Variants in PLXDC2 observed in about 807,000 individuals in gnomAD.
PLXDC2 encodes the protein plexin domain containing 2.
Under a neutral mutation model 68.9 loss-of-function variants are expected in PLXDC2, and 40 were observed. The ratio of observed to expected loss-of-function variants is 0.58; its 90% CI spans 0.45 to 0.76. The LOEUF (loss-of-function observed/expected upper bound fraction) is 0.76. Among genes scored for constraint, PLXDC2 ranks in the 30% least tolerant of loss-of-function variants. The probability of loss-of-function intolerance (pLI) is 0.00; values close to 1 mark genes in which losing one functional copy is unlikely to be tolerated. For missense variants in PLXDC2, 644 were observed against 661.9 expected, an observed-to-expected ratio of 0.97 and a Z score of 0.30; for synonymous variants, 243 against 234.2, an observed-to-expected ratio of 1.04 and a Z score of -0.34.
chr10:20,051,133 G>A (rs919683960), intron 3 of PLXDC2, among the ~76,000 whole-genome samples: 4 of 151,874 alleles, frequency 2.6e-5, no homozygotes, highest in Non-Finnish European at 5.9e-5. Context: ...ACTAACACAG[G>A]AACAGGAACC....
intron 5 of PLXDC2, among the ~76,000 whole-genome samples, chr10:20,147,200 A>G (rs1414013623): frequency 6.6e-6 from 1 of 152,176 alleles, no homozygotes; most frequent in African/African-American, 2.4e-5. Flanking sequence ...GACTTCAAAA[A>G]TCTTAGTCCA....
chr10:19,816,764 T>G lies in PLXDC2; in HGVS notation c.-316T>G, dbSNP rs1589480707. ...GGGCACCGGGTTGGCGCTGCCCGAGTGGAACCGACAGTTTGCGAGCCTCGG... is the reference window on the plus strand; with the variant it reads ...GGGCACCGGGTTGGCGCTGCCCGAGGGGAACCGACAGTTTGCGAGCCTCGG... On this transcript the variant is annotated 5_prime_UTR_variant, in exon 1 of 14. Coordinates refer to ENST00000377252, the MANE Select transcript of PLXDC2 (RefSeq NM_032812.9). 6.8e-6 allele frequency: 3 copies of G among 444,000 alleles called. No homozygotes were observed. Among genetic ancestry groups the G allele is most frequent in the East Asian group, 4.0e-5 (1 of 25,106 alleles). 27.5% of individuals were successfully genotyped at this position (444,000 alleles called of 1,614,324 possible).
intron 1 of PLXDC2, among the ~76,000 whole-genome samples, chr10:19,967,244 G>T (rs1471779474): frequency 6.6e-6 from 1 of 152,124 alleles, no homozygotes; most frequent in East Asian, 1.9e-4. Flanking sequence ...TAGTAATTTA[G>T]GGAACCAATG....
chr10:19,924,520 C>G (rs1833508135), intron 1 of PLXDC2, among the ~76,000 whole-genome samples: 1 of 152,062 alleles, frequency 6.6e-6, no homozygotes, highest in South Asian at 2.1e-4. Flanking sequence ...TAATAGTGGC[C>G]AATAAATGTC....
chr10:20,030,230 C>A (rs1043741858), intron 2 of PLXDC2, among the ~76,000 whole-genome samples: 6 of 152,102 alleles, frequency 3.9e-5, no homozygotes, highest in East Asian at 3.9e-4. Context: ...ACAACAACAA[C>A]AAAAAACTGG....
chr10:20,103,635 T>TC (rs1325054104), intron 4 of PLXDC2, among the ~76,000 whole-genome samples: 1 of 128,278 alleles, frequency 7.8e-6, no homozygotes, highest in Non-Finnish European at 1.5e-5. Context: ...ACACATCTTT[T>TC]CTTTTTTTTT....
chr10:19,888,338 T>C (rs1018993504), intron 1 of PLXDC2, among the ~76,000 whole-genome samples: 13 of 152,220 alleles, frequency 8.5e-5, no homozygotes, highest in Non-Finnish European at 1.8e-4. Context: ...TTCCAGATTT[T>C]ATTTTTCAGG....
intron 1 of PLXDC2, among the ~76,000 whole-genome samples, chr10:19,936,400 C>T: frequency 6.6e-6 from 1 of 152,302 alleles, no homozygotes; most frequent in East Asian, 1.9e-4. Context: ...GACTCTGTTG[C>T]TACTAGTCAA....
chr10:20,212,510 A>G (rs1301656773), intron 10 of PLXDC2, among the ~76,000 whole-genome samples: 1 of 151,912 alleles, frequency 6.6e-6, no homozygotes, highest in Non-Finnish European at 1.5e-5. Flanking sequence ...GTTTATGAAG[A>G]AAAGCATTTA....
At chr10:20,029,981 A>C (rs1315193643) in intron 2 of PLXDC2, among the ~76,000 whole-genome samples, 1 of 152,174 alleles carries the variant, frequency 6.6e-6, no homozygotes, top group Non-Finnish European at 1.5e-5. Context: ...TTGGCTTTTA[A>C]ATTCTTATTT....
intron 4 of PLXDC2, among the ~76,000 whole-genome samples, chr10:20,081,260 A>C (rs1265867839): frequency 6.6e-6 from 1 of 152,152 alleles, no homozygotes. Flanking sequence ...AGGGAAATAC[A>C]TCTGGAATGC....
At chr10:19,928,619 G>A (rs1301440936) in intron 1 of PLXDC2, among the ~76,000 whole-genome samples, 1 of 152,138 alleles carries the variant, frequency 6.6e-6, no homozygotes, top group African/African-American at 2.4e-5. Context: ...CCACCCCTTG[G>A]CGGGGCTTAA....
chr10:19,944,514 T>C (rs946727075), intron 1 of PLXDC2, among the ~76,000 whole-genome samples: 12 of 152,276 alleles, frequency 7.9e-5, no homozygotes, highest in African/African-American at 2.6e-4. Flanking sequence ...CAGAGTTTAA[T>C]TGAACAAAGA....
chr10:20,072,272 C>T (rs560228451), intron 4 of PLXDC2, among the ~76,000 whole-genome samples: 22 of 151,190 alleles, frequency 1.5e-4, no homozygotes, highest in South Asian at 2.1e-4. Context: ...CAGGAGGCGG[C>T]GACAGGAGAA....
rs574862010 is a variant in PLXDC2, at chr10:19,817,895, G to T, written c.112+704G>T. Among the ~76,000 whole-genome samples the T allele has an allele frequency of 8.5e-5, 13 of 152,298 alleles. No individual in the cohort carries two copies. In the East Asian group the frequency reaches 2.5e-3, roughly 29 times the overall value. ...CTTGGAGTGCCCTGATTTTGTCCCC[G>T]AGAGGGCCCCCAACCTCCGCATCCT... On this transcript the variant is annotated intron_variant, in intron 1 of 13. Coordinates refer to ENST00000377252, the MANE Select transcript of PLXDC2 (RefSeq NM_032812.9).
At chr10:20,023,219 A>C (rs1835343149) in intron 2 of PLXDC2, among the ~76,000 whole-genome samples, 1 of 151,832 alleles carries the variant, frequency 6.6e-6, no homozygotes, top group African/African-American at 2.4e-5. Flanking sequence ...AACATGATAG[A>C]ATAAATGATC....
chr10:20,207,411 C>T (rs780056439), intron 9 of PLXDC2, among the ~76,000 whole-genome samples: 25 of 152,124 alleles, frequency 1.6e-4, no homozygotes, highest in Admixed American at 9.2e-4. Context: ...GATTTGGCAC[C>T]GTCTTGTTAA....
intron 1 of PLXDC2, among the ~76,000 whole-genome samples, chr10:19,986,208 G>T (rs1589570729): frequency 6.6e-6 from 1 of 152,098 alleles, no homozygotes; most frequent in African/African-American, 2.4e-5. Flanking sequence ...GTCAGTGATT[G>T]ATAAACGTAT....
chr10:20,252,695 A>C (rs571063099), intron 13 of PLXDC2, among the ~76,000 whole-genome samples: 78 of 152,338 alleles, frequency 5.1e-4, no homozygotes, highest in Middle Eastern at 3.4e-3. Flanking sequence ...CCAAGTCCCC[A>C]AGATACATTG....
Sources: gnomAD v4.1 joint callset for allele counts (sites outside exome capture counted in the v4.1 genomes callset) on GRCh38, gnomAD v4.1.1 for gene constraint, MANE v1.5 for transcripts, NCBI Gene and HGNC (gene_info 2026-07-23, HGNC 2026-07-21) for gene names.